Variants in AK9 observed in about 807,000 individuals in gnomAD.
AK9 encodes adenylate kinase domain containing 1.
AK9 carries 191 observed loss-of-function variants against 239.6 expected under a neutral mutation model. That is an observed-to-expected ratio of 0.80 (90% CI 0.71 to 0.90). The LOEUF is 0.90. Among genes scored for constraint, AK9 ranks in the 40% least tolerant of loss-of-function variants. The probability of loss-of-function intolerance (pLI) is 0.00; values close to 1 mark genes in which losing one functional copy is unlikely to be tolerated. For synonymous variants in AK9, 689 were observed against 721.0 expected, an observed-to-expected ratio of 0.96 and a Z score of 0.71; for missense variants, 1,995 against 2,214.7, an observed-to-expected ratio of 0.90 and a Z score of 1.99.
intron 21 of AK9, among the ~76,000 whole-genome samples, chr6:109,569,293 A>T (rs1313385072): frequency 9.2e-5 from 14 of 152,236 alleles, no homozygotes; most frequent in Admixed American, 9.2e-4. Context: ...GATGGATTAA[A>T]GACTTAAATG....
At chr6:109,513,381 C>A (rs1388220628) in intron 32 of AK9, among the ~76,000 whole-genome samples, 2 of 152,146 alleles carry the variant, frequency 1.3e-5, no homozygotes, top group African/African-American at 4.8e-5. Flanking sequence ...ACTTGGGAAA[C>A]TTACTCTTTC....
chr6:109,503,103 T>C (rs1777761028), intron 35 of AK9, among the ~76,000 whole-genome samples: 1 of 152,104 alleles, frequency 6.6e-6, no homozygotes, highest in Non-Finnish European at 1.5e-5. Context: ...AGTTCCAATA[T>C]TGATTTTCTA....
intron 5 of AK9, among the ~76,000 whole-genome samples, chr6:109,670,946 A>C (rs1770789135): frequency 6.6e-6 from 1 of 152,022 alleles, no homozygotes; most frequent in Non-Finnish European, 1.5e-5. Flanking sequence ...TAATCCATAT[A>C]TATTAATCTC....
intron 17 of AK9, among the ~76,000 whole-genome samples, chr6:109,604,317 A>G (rs944737562): frequency 6.6e-6 from 1 of 152,312 alleles, no homozygotes; most frequent in East Asian, 1.9e-4. Context: ...ATCCTTGACC[A>G]TTCCAAATTA....
At chr6:109,625,461 G>A (rs557217505) in intron 12 of AK9, among the ~76,000 whole-genome samples, 7 of 152,272 alleles carry the variant, frequency 4.6e-5, no homozygotes, top group East Asian at 1.9e-4. Context: ...GCCATGGACC[G>A]GTAGGAACTG....
intron 2 of AK9, 57 bp downstream of exon 2, chr6:109,675,572 G>T: frequency 8.9e-7 from 1 of 1,125,416 alleles, no homozygotes; most frequent in East Asian, 2.9e-5. Context: ...TGGTAACTTA[G>T]AAAATTGTGA....
chr6:109,518,684 T>A (rs1026014174), intron 29 of AK9, among the ~76,000 whole-genome samples: 1 of 151,996 alleles, frequency 6.6e-6, no homozygotes. Flanking sequence ...ATATATATAT[T>A]TAATTACATC....
At position 109,579,541 on chromosome 6, in the gene AK9, T is replaced by C. The variant is rs745357741; in HGVS notation, c.2191+9A>G. On this transcript the variant is annotated intron_variant, in intron 20 of 40. Transcript: ENST00000424296. The stretch of plus-strand genomic sequence containing the variant: ...TGACACATCATCAGTCATAGCAATC[T>C]GTGCTTGCCTTTTGCCTTCACTTTC... 60 of 1,549,232 alleles carry C rather than the reference T, an allele frequency of 3.9e-5. No individual in the cohort carries two copies. The highest frequency in any genetic ancestry group is 4.8e-5 in the Non-Finnish European group (55 of 1,145,170).
chr6:109,614,283 G>A lies in AK9; in HGVS notation c.1509C>T (p.Gly503=). The A allele has an allele frequency of 6.4e-7, 1 of 1,551,394 alleles. No individual in the cohort carries two copies. Among genetic ancestry groups the A allele is most frequent in the Non-Finnish European group, 8.7e-7 (1 of 1,146,730 alleles). Residue 503 remains glycine, a synonymous_variant, in exon 15 of 41, where the codon GGC becomes GGT. Transcript: ENST00000424296. ...SSIDEEGYIQ[G]SQRDRGSSLV... is the part of the protein sequence containing the mutation. The stretch of plus-strand genomic sequence containing the variant: ...AAGAGCTGCCTCTGTCCCTTTGGGA[G>A]CCTTGAATGTACCCTGCAATGAAAG...
At chr6:109,651,989 G>T (rs944555273) in intron 8 of AK9, among the ~76,000 whole-genome samples, 27 of 152,116 alleles carry the variant, frequency 1.8e-4, no homozygotes, top group African/African-American at 6.5e-4. Flanking sequence ...AGAGGAGCTG[G>T]TACCATTCCT....
intron 24 of AK9, among the ~76,000 whole-genome samples, chr6:109,557,363 G>T (rs770798022): frequency 6.6e-6 from 1 of 152,114 alleles, no homozygotes; most frequent in Non-Finnish European, 1.5e-5. Context: ...ATGGGTGCCT[G>T]CTCCTTCTTC....
In AK9 at chr6:109,542,328, G is replaced by A. The variant is rs183394100; in HGVS notation, c.3226-157C>T. Among the ~76,000 whole-genome samples the A allele has an allele frequency of 2.6e-5, 4 of 152,330 alleles. No individual in the cohort carries two copies. The East Asian group carries it at 7.7e-4, about 29-fold the overall frequency. ...CAGGGAAGGGTGTGTGGTAGGGATA[G>A]AGGACATGAAGAGAGGCAGGATAAT... On this transcript the variant is annotated intron_variant, in intron 26 of 40. Transcript: ENST00000424296.
chr6:109,653,671 G>A (rs1311875123), intron 8 of AK9, among the ~76,000 whole-genome samples: 1 of 75,012 alleles, frequency 1.3e-5, no homozygotes, highest in African/African-American at 4.6e-5. Flanking sequence ...TTCTTGTTTA[G>A]ATTTTTTTTT....
At chr6:109,624,477 T>G (rs376974163) in intron 12 of AK9, among the ~76,000 whole-genome samples, 37 of 152,346 alleles carry the variant, frequency 2.4e-4, no homozygotes, top group African/African-American at 7.5e-4. Context: ...TTCGTTTGCC[T>G]GAATATAAAA....
Position 109,682,381 on chromosome 6 carries a change from C to A in AK9, c.-11-6625G>T, listed in dbSNP as rs866116035. On this transcript the variant is annotated intron_variant, in intron 1 of 40. Coordinates refer to ENST00000424296, the MANE Select transcript of AK9 (RefSeq NM_001145128.3). ...GGCGGAGCTTGCAGTGAGCCGAGAT[C>A]GGGCCACTGCACTCCAGCCTGGGTG... is the stretch of plus-strand genomic sequence containing the variant. Among the ~76,000 whole-genome samples, 3 of 137,996 alleles carry A rather than the reference C, an allele frequency of 2.2e-5. No individual in the cohort carries two copies. In the Admixed American group the frequency reaches 2.3e-4, roughly 10 times the overall value. The allele number at this position is 137,996 out of a possible 152,430, so 90.5% of individuals were successfully genotyped here.
At chr6:109,546,244 A>G in intron 25 of AK9, 117 bp from the exon 26 acceptor site, 1 of 914,122 alleles carries the variant, frequency 1.1e-6, no homozygotes. Context: ...ATGGGGTAGG[A>G]ATGATCACAT....
At chr6:109,509,145 C>A (rs931271794) in intron 33 of AK9, 34 bp downstream of exon 33, 1 of 1,533,870 alleles carries the variant, frequency 6.5e-7, no homozygotes. Flanking sequence ...AGATTTAACT[C>A]CCTCTGTCCC....
chr6:109,542,256 G>T (rs1396661420), intron 26 of AK9, 85 bp from the exon 27 acceptor site: 4 of 1,298,962 alleles, frequency 3.1e-6, no homozygotes, highest in African/African-American at 3.0e-5. Flanking sequence ...GAAAGTTAAA[G>T]AGGAGGACCT....
intron 8 of AK9, among the ~76,000 whole-genome samples, chr6:109,650,405 C>T (rs1798751452): frequency 6.6e-6 from 1 of 152,008 alleles, no homozygotes; most frequent in Non-Finnish European, 1.5e-5. Flanking sequence ...AAAACCCCAT[C>T]AAAAAGTGGG....
Sources: gnomAD v4.1 joint callset for allele counts (sites outside exome capture counted in the v4.1 genomes callset) on GRCh38, gnomAD v4.1.1 for gene constraint, MANE v1.5 for transcripts, NCBI Gene and HGNC (gene_info 2026-07-23, HGNC 2026-07-21) for gene names.